Variants in DMRT1 observed in about 807,000 individuals in gnomAD.
The protein encoded by DMRT1 is doublesex and mab-3 related transcription factor 1, also known as doublesex- and mab-3-related transcription factor 1.
DMRT1 carries 7 observed loss-of-function variants against 32.3 expected under a neutral mutation model. The ratio of observed to expected loss-of-function variants is 0.22; its 90% CI spans 0.12 to 0.41. DMRT1 has a LOEUF of 0.41. DMRT1 is among the 10% of genes least tolerant of loss of function. The probability of loss-of-function intolerance (pLI) is 1.00; values close to 1 mark genes in which losing one functional copy is unlikely to be tolerated. For synonymous variants in DMRT1, 278 were observed against 206.1 expected (o/e 1.35, Z -2.99); for missense variants, 625 against 500.5 (o/e 1.25, Z -2.37).
intron 4 of DMRT1, among the ~76,000 whole-genome samples, chr9:920,689 A>G (rs1818325108): frequency 1.3e-5 from 2 of 152,210 alleles, no homozygotes. Context: ...TTTAAAGAAG[A>G]GAGATTTTAT....
intron 4 of DMRT1, among the ~76,000 whole-genome samples, chr9:942,001 A>C (rs187925527): frequency 1.3e-5 from 2 of 152,178 alleles, no homozygotes; most frequent in African/African-American, 4.8e-5. Flanking sequence ...AGTTTGTGGT[A>C]TCCTTGTAAT....
At chr9:952,523 G>C (rs762393619) in intron 4 of DMRT1, among the ~76,000 whole-genome samples, 2 of 152,180 alleles carry the variant, frequency 1.3e-5, no homozygotes, top group African/African-American at 2.4e-5. Context: ...CCTAACAGTG[G>C]AAAGCATTTT....
chr9:881,515 A>G (rs555334858), intron 2 of DMRT1, among the ~76,000 whole-genome samples: 25 of 152,204 alleles, frequency 1.6e-4, no homozygotes, highest in Non-Finnish European at 2.8e-4. Flanking sequence ...GACCATGAGC[A>G]AACTTAAACA....
intron 2 of DMRT1, among the ~76,000 whole-genome samples, chr9:871,401 C>T (rs182240935): frequency 4.0e-5 from 6 of 150,976 alleles, no homozygotes; most frequent in Middle Eastern, 3.5e-3. Context: ...GGCACAATCT[C>T]GGCTCACTGC....
chr9:944,189 C>T (rs1819168513), intron 4 of DMRT1, among the ~76,000 whole-genome samples: 2 of 152,220 alleles, frequency 1.3e-5, no homozygotes, highest in Non-Finnish European at 2.9e-5. Context: ...GCACCCGGCA[C>T]ATGAGTGGTG....
intron 4 of DMRT1, among the ~76,000 whole-genome samples, chr9:946,747 G>GT (rs1385450542): frequency 2.0e-5 from 3 of 152,348 alleles, no homozygotes; most frequent in African/African-American, 7.2e-5. Flanking sequence ...TTGACATGAT[G>GT]TGGGGACAAT....
intron 3 of DMRT1, among the ~76,000 whole-genome samples, chr9:908,963 C>T (rs989258072): frequency 3.3e-5 from 5 of 152,146 alleles, no homozygotes; most frequent in African/African-American, 4.8e-5. Context: ...CTCCCCTGTC[C>T]ACCCCTCACC....
intron 2 of DMRT1, among the ~76,000 whole-genome samples, chr9:858,566 T>G (rs925740810): frequency 5.9e-5 from 9 of 152,162 alleles, no homozygotes; most frequent in African/African-American, 1.9e-4. Flanking sequence ...TGGTACAATA[T>G]GCACAACTTA....
chr9:861,766 G>A lies in DMRT1; in HGVS notation c.538+14623G>A, dbSNP rs866261439. On this transcript the variant is annotated intron_variant, in intron 2 of 4. Transcript: ENST00000382276. The stretch of plus-strand genomic sequence containing the variant: ...CTCCTGGACGGGGCGGCTGCTGGGC[G>A]GAGATGCTCCCCACTTCCCAGACGG... Among the ~76,000 whole-genome samples, 44 of 148,936 alleles carry A rather than the reference G, an allele frequency of 3.0e-4. 1 individual carries two copies. Among genetic ancestry groups the A allele is most frequent in the Middle Eastern group, 3.6e-3 (1 of 280 alleles).
At chr9:934,809 G>C (rs1818833531) in intron 4 of DMRT1, among the ~76,000 whole-genome samples, 2 of 152,140 alleles carry the variant, frequency 1.3e-5, no homozygotes, top group African/African-American at 4.8e-5. Flanking sequence ...GGAAAGTTTT[G>C]ACACTTTCGA....
At chr9:889,418 A>G (rs542644665) in intron 2 of DMRT1, among the ~76,000 whole-genome samples, 3 of 152,260 alleles carry the variant, frequency 2.0e-5, no homozygotes, top group South Asian at 2.1e-4. Flanking sequence ...AACTTTTCCA[A>G]TACATATCTC....
chr9:876,750 G>C (rs1002778734), intron 2 of DMRT1, among the ~76,000 whole-genome samples: 5 of 152,082 alleles, frequency 3.3e-5, no homozygotes, highest in Admixed American at 2.6e-4. Flanking sequence ...AGGTTGGTCT[G>C]GAACTTCTGA....
At chr9:901,637 T>A (rs1046955585) in intron 3 of DMRT1, among the ~76,000 whole-genome samples, 1 of 151,948 alleles carries the variant, frequency 6.6e-6, no homozygotes, top group African/African-American at 2.4e-5. Flanking sequence ...GCCTGACCAA[T>A]TTTTAAGACA....
rs1173030627 is a variant in DMRT1 at position 841,755 on chromosome 9, G to C, written c.-84G>C. The C allele has an allele frequency of 6.5e-7, 1 of 1,549,376 alleles. No individual in the cohort carries two copies. The highest frequency in any genetic ancestry group is 1.4e-5 in the African/African-American group (1 of 73,096). On this transcript the variant is annotated 5_prime_UTR_variant, in exon 1 of 5. Transcript: ENST00000382276. ...TCTCCTGCGCCTCCTCCTCCGGAGC[G>C]TCGCTGTCCGTCGGGTTCATCCCTC...
At chr9:854,167 A>T (rs1815287450) in intron 2 of DMRT1, among the ~76,000 whole-genome samples, 8 of 151,540 alleles carry the variant, frequency 5.3e-5, no homozygotes. Context: ...CCCAGGTTGG[A>T]ATGCAGTGGC....
intron 4 of DMRT1, among the ~76,000 whole-genome samples, chr9:936,438 G>A (rs1370984074): frequency 1.3e-5 from 2 of 151,938 alleles, no homozygotes; most frequent in Non-Finnish European, 2.9e-5. Context: ...CTCCTGTGAG[G>A]TTATTAGGCT....
chr9:918,435 C>T lies in DMRT1; in HGVS notation c.967+1528C>T, dbSNP rs574284544. On this transcript the variant is annotated intron_variant, in intron 4 of 4. Transcript: ENST00000382276. Reference sequence around the variant, plus strand: ...AAATATAAGAGGCAATTTATTAGAGCAGAGAGGAGCGAATTTGGAGAGGAG... The same window carrying T: ...AAATATAAGAGGCAATTTATTAGAGTAGAGAGGAGCGAATTTGGAGAGGAG... Among the ~76,000 whole-genome samples, 196 of 152,116 alleles carry T rather than the reference C, an allele frequency of 1.3e-3. 6 individuals carry two copies. Among genetic ancestry groups the T allele is most frequent in the Middle Eastern group, 3.4e-3 (1 of 294 alleles).
chr9:863,629 G>A (rs908253278), intron 2 of DMRT1, among the ~76,000 whole-genome samples: 17 of 152,184 alleles, frequency 1.1e-4, no homozygotes, highest in African/African-American at 3.9e-4. Context: ...GCTCCAGAAA[G>A]AAATGCAGCC....
chr9:877,036 C>CT (rs1564216588), intron 2 of DMRT1, among the ~76,000 whole-genome samples: 1 of 152,128 alleles, frequency 6.6e-6, no homozygotes, highest in African/African-American at 2.4e-5. Context: ...CTCAGACTTG[C>CT]CACTTGAACC....
Sources: allele counts gnomAD v4.1 joint callset (sites outside exome capture counted in the v4.1 genomes callset), GRCh38; gene constraint gnomAD v4.1.1; transcripts MANE v1.5; gene names NCBI Gene and HGNC (gene_info 2026-07-23, HGNC 2026-07-21).